ZNF365: variants seen among roughly 807,000 people sequenced by gnomAD.
The protein encoded by ZNF365 is zinc finger protein 365.
Under a neutral mutation model 35.0 loss-of-function variants are expected in ZNF365, and 22 were observed. That is an observed-to-expected ratio of 0.63 (90% confidence interval 0.45 to 0.90). The LOEUF (loss-of-function observed/expected upper bound fraction) is 0.90, where lower values mean the gene tolerates loss of function less well. Among genes scored for constraint, ZNF365 ranks in the 40% least tolerant of loss-of-function variants. ZNF365 has a pLI of 0.00. For missense variants in ZNF365, 448 were observed against 500.3 expected (o/e 0.90, Z 1.00); for synonymous variants, 188 against 196.2 (o/e 0.96, Z 0.35).
intron 3 of ZNF365, chr10:62,459,625 G>T: frequency 8.6e-7 from 1 of 1,157,934 alleles, no homozygotes. Context: ...GGGAAAATAT[G>T]TCAGCTCTCT....
intron 2 of ZNF365, among the ~76,000 whole-genome samples, chr10:62,378,228 G>A (rs1197085321): frequency 6.6e-6 from 1 of 152,130 alleles, no homozygotes; most frequent in Non-Finnish European, 1.5e-5. Flanking sequence ...CCCGCACTGT[G>A]CTGTTGAAAA....
At chr10:62,439,814 C>T (rs1427440769) in intron 3 of ZNF365, among the ~76,000 whole-genome samples, 2 of 152,142 alleles carry the variant, frequency 1.3e-5, no homozygotes, top group Non-Finnish European at 2.9e-5. Context: ...ATTTGGTGTA[C>T]TGTTACTGAG....
intron 1 of ZNF365, among the ~76,000 whole-genome samples, chr10:62,374,902 C>G (rs1457834686): frequency 6.6e-6 from 1 of 152,184 alleles, no homozygotes; most frequent in South Asian, 2.1e-4. Flanking sequence ...CTATGCTGAG[C>G]CAGGGTTTGC....
rs1839800631 is a variant in ZNF365, at chr10:62,400,047, C to T, written c.*258C>T. On this transcript the variant is annotated 3_prime_UTR_variant, in exon 5 of 5. Transcript: ENST00000395254. ...AATTAAATCAATCTTAAAGCTCTAA[C>T]TTCTAAAGTAACTGGCCCAGTCTCC... The T allele has an allele frequency of 4.9e-6, 6 of 1,216,234 alleles. No individual in the cohort carries two copies. In the South Asian group the frequency reaches 1.6e-4, roughly 33 times the overall value. 75.3% of individuals were successfully genotyped at this position (1,216,234 alleles called of 1,614,324 possible).
chr10:62,468,999 A>T (rs1840989254), intron 4 of ZNF365, among the ~76,000 whole-genome samples: 1 of 152,218 alleles, frequency 6.6e-6, no homozygotes, highest in African/African-American at 2.4e-5. Flanking sequence ...TACCAGTATG[A>T]TTCTGAAGAC....
Position 62,444,449 on chromosome 10 carries a change from T to C in ZNF365, c.925-15292T>C, listed in dbSNP as rs145785930. 8.8e-3 allele frequency among the ~76,000 whole-genome samples: 1,342 copies of C among 152,310 alleles called. 25 individuals carry two copies. Among genetic ancestry groups the C allele is most frequent in the African/African-American group, 0.031 (1,268 of 41,564 alleles). On this transcript the variant is annotated intron_variant, in intron 3 of 4. Transcript: ENST00000395255. Reference sequence around the variant, plus strand: ...CCAATTAGCTCCTTATCTATGGTTCTAGTTTTCAGTAGACTCTAGCAATTG... The same window carrying C: ...CCAATTAGCTCCTTATCTATGGTTCCAGTTTTCAGTAGACTCTAGCAATTG...
At position 62,479,256 on chromosome 10, in the gene ZNF365, A is replaced by G. The variant is rs912498455; in HGVS notation, c.982-620A>G. On this transcript the variant is annotated intron_variant, in intron 4 of 4. Coordinates refer to the ZNF365 transcript ENST00000395255. ...AGACATATCCATATTCCTCCCACGTAGAAGAAAACCAGAACATTTTATAAT... is the reference window on the plus strand; with the variant it reads ...AGACATATCCATATTCCTCCCACGTGGAAGAAAACCAGAACATTTTATAAT... Among the ~76,000 whole-genome samples the G allele has an allele frequency of 6.6e-5, 10 of 152,356 alleles. No homozygotes were observed. In the East Asian group the frequency reaches 1.7e-3, roughly 26 times the overall value.
intron 4 of ZNF365, among the ~76,000 whole-genome samples, chr10:62,468,113 A>G (rs1295398308): frequency 6.6e-6 from 1 of 152,200 alleles, no homozygotes. Context: ...ATTATTTATA[A>G]AATTCATTAA....
intron 4 of ZNF365, 113 bp from the exon 5 acceptor site, chr10:62,399,415 A>G (rs1410620410): frequency 2.1e-6 from 3 of 1,448,550 alleles, no homozygotes; most frequent in South Asian, 2.8e-5. Flanking sequence ...TAGCATTATC[A>G]CCACTGTAGC....
chr10:62,434,347 G>C (rs745546838), intron 3 of ZNF365, among the ~76,000 whole-genome samples: 20 of 152,068 alleles, frequency 1.3e-4, no homozygotes, highest in Non-Finnish European at 2.6e-4. Flanking sequence ...GATGGGTGGA[G>C]AGGTTTTGGT....
At chr10:62,397,937 G>A (rs1333605573) in intron 3 of ZNF365, among the ~76,000 whole-genome samples, 1 of 152,042 alleles carries the variant, frequency 6.6e-6, no homozygotes. Context: ...GTGGTTTTTG[G>A]TTACATGAAT....
At chr10:62,468,588 T>C (rs1840982412) in intron 4 of ZNF365, among the ~76,000 whole-genome samples, 1 of 152,120 alleles carries the variant, frequency 6.6e-6, no homozygotes. Flanking sequence ...CACTGATGCT[T>C]TATGAAAAGT....
At chr10:62,478,213 T>A (rs1241089821) in intron 4 of ZNF365, among the ~76,000 whole-genome samples, 1 of 152,124 alleles carries the variant, frequency 6.6e-6, no homozygotes, top group Non-Finnish European at 1.5e-5. Flanking sequence ...ACATACCCAA[T>A]ATACAGTGAT....
At chr10:62,378,018 T>C (rs891867747) in intron 2 of ZNF365, among the ~76,000 whole-genome samples, 3 of 152,270 alleles carry the variant, frequency 2.0e-5, no homozygotes, top group African/African-American at 7.2e-5. Flanking sequence ...ATGCTTACGT[T>C]CTACCTTGAG....
At chr10:62,375,132 A>G (rs1229508937) in intron 1 of ZNF365, among the ~76,000 whole-genome samples, 1 of 152,198 alleles carries the variant, frequency 6.6e-6, no homozygotes, top group Non-Finnish European at 1.5e-5. Flanking sequence ...ACATTTAAGT[A>G]GAAACCTTTC....
chr10:62,422,635 G>A (rs140191183), intron 3 of ZNF365, among the ~76,000 whole-genome samples: 175 of 152,216 alleles, frequency 1.1e-3, no homozygotes, highest in African/African-American at 3.8e-3. Flanking sequence ...GCTTTAGAGC[G>A]CGGCCATGCT....
chr10:62,390,920 A>C (rs961560275), intron 3 of ZNF365, among the ~76,000 whole-genome samples: 6 of 152,244 alleles, frequency 3.9e-5, no homozygotes, highest in Non-Finnish European at 8.8e-5. Flanking sequence ...GTATAGCTGT[A>C]TAGGGCATTT....
chr10:62,399,689 G>T lies in ZNF365; in HGVS notation c.1124G>T (p.Arg375Ile), dbSNP rs762596600. The change falls in exon 5 of 5, where the codon AGA becomes ATA. Residue 375 changes from arginine to isoleucine, a missense_variant. Arg to Ile is a moderately conservative substitution (Grantham distance 97, BLOSUM62 -3). Coordinates refer to ENST00000395254, the MANE Select transcript of ZNF365 (RefSeq NM_014951.3). ...EQAESSRDLCRPPKKGELLGF... is the reference protein window; with the variant it reads ...EQAESSRDLCIPPKKGELLGF... ...GCTGAGTCCTCAAGAGACCTCTGCA[G>T]ACCTCCAAAGAAAGGGGAGCTCCTG... 1 of 1,614,150 alleles carries T rather than the reference G, an allele frequency of 6.2e-7. No homozygotes were observed. Among genetic ancestry groups the T allele is most frequent in the Non-Finnish European group, 8.5e-7 (1 of 1,180,038 alleles).
chr10:62,477,135 G>C (rs1392234090), intron 4 of ZNF365, among the ~76,000 whole-genome samples: 1 of 152,196 alleles, frequency 6.6e-6, no homozygotes, highest in Non-Finnish European at 1.5e-5. Flanking sequence ...CAATGGAAGA[G>C]AAAGGACTGA....
Sources: gnomAD v4.1 joint callset for allele counts (sites outside exome capture counted in the v4.1 genomes callset) on GRCh38, gnomAD v4.1.1 for gene constraint, MANE v1.5 for transcripts, NCBI Gene and HGNC (gene_info 2026-07-23, HGNC 2026-07-21) for gene names.